SAMD12: variants seen among roughly 807,000 people sequenced by gnomAD.
SAMD12 encodes the protein sterile alpha motif domain-containing protein 12.
A neutral mutation model predicts 15.0 loss-of-function variants in SAMD12; 9 were observed. That is an observed-to-expected ratio of 0.60 (90% confidence interval 0.36 to 1.05). The LOEUF (loss-of-function observed/expected upper bound fraction) is 1.05, where lower values mean the gene tolerates loss of function less well. Ranked by LOEUF, SAMD12 falls within the 50% of genes least tolerant of loss-of-function variation. The pLI is 0.01. For synonymous variants in SAMD12, 86 were observed against 90.1 expected, an observed-to-expected ratio of 0.96 and a Z score of 0.25; for missense variants, 230 against 234.2, an observed-to-expected ratio of 0.98 and a Z score of 0.12.
At chr8:118,250,484 G>A (rs991714384) in intron 4 of SAMD12, among the ~76,000 whole-genome samples, 4 of 151,174 alleles carry the variant, frequency 2.6e-5, no homozygotes, top group Admixed American at 2.6e-4. Context: ...AGTATAAAAT[G>A]CCAGGAAGGC....
chr8:118,240,397 C>T (rs772607776), intron 4 of SAMD12, among the ~76,000 whole-genome samples: 1 of 152,136 alleles, frequency 6.6e-6, no homozygotes, highest in Non-Finnish European at 1.5e-5. Context: ...CAGTGGATAA[C>T]TCATACGAAA....
chr8:118,305,290 C>T (rs1388907925), intron 4 of SAMD12, among the ~76,000 whole-genome samples: 1 of 151,824 alleles, frequency 6.6e-6, no homozygotes, highest in African/African-American at 2.4e-5. Flanking sequence ...TAATTATTCT[C>T]CATTGCTCCC....
rs570714210 is a variant in SAMD12 at position 118,261,829 on chromosome 8, G to A, written c.434-64097C>T. Among the ~76,000 whole-genome samples, 5 of 151,906 alleles carry A rather than the reference G, an allele frequency of 3.3e-5. No individual in the cohort carries two copies. The East Asian group carries it at 5.8e-4, about 18-fold the overall frequency. ...TTTATGGAGCACAGAGCTGAACCTG[G>A]TGGAGTCTAGTTGCAGAGGTAGGAT... On this transcript the variant is annotated intron_variant, in intron 4 of 4. Coordinates refer to the SAMD12 transcript ENST00000409003.
chr8:118,517,906 C>CA (rs1196803071), intron 2 of SAMD12, among the ~76,000 whole-genome samples: 3 of 152,094 alleles, frequency 2.0e-5, no homozygotes, highest in Non-Finnish European at 4.4e-5. Flanking sequence ...TGTCTTCAGT[C>CA]ACGATTGAAT....
intron 4 of SAMD12, among the ~76,000 whole-genome samples, chr8:118,204,666 A>G (rs892496580): frequency 2.0e-5 from 3 of 152,144 alleles, no homozygotes; most frequent in Non-Finnish European, 4.4e-5. Flanking sequence ...AGGCAGAAGA[A>G]TGGTGTGAAC....
At chr8:118,142,037 G>A in the SAMD12 span, among the ~76,000 whole-genome samples, 4 of 152,152 alleles carry the variant, frequency 2.6e-5, no homozygotes, top group East Asian at 1.9e-4. Flanking sequence ...TAATAACCAC[G>A]CAAATTTTGT....
At chr8:118,341,953 T>C (rs1047719522) in intron 4 of SAMD12, among the ~76,000 whole-genome samples, 3 of 152,254 alleles carry the variant, frequency 2.0e-5, no homozygotes, top group Admixed American at 6.5e-5. Flanking sequence ...ATGCCCACCA[T>C]TGTGTACTCT....
chr8:118,591,854 A>G (rs1827592147), intron 1 of SAMD12, among the ~76,000 whole-genome samples: 1 of 152,196 alleles, frequency 6.6e-6, no homozygotes, highest in South Asian at 2.1e-4. Flanking sequence ...GACCCTAATC[A>G]TTTAGGAAGT....
chr8:118,147,706 G>A, the SAMD12 span, among the ~76,000 whole-genome samples: 2 of 151,742 alleles, frequency 1.3e-5, no homozygotes, highest in African/African-American at 2.4e-5. Context: ...CATGTCTAAG[G>A]TCACATAGTT....
chr8:118,139,157 A>G, the SAMD12 span, among the ~76,000 whole-genome samples: 2,629 of 151,972 alleles, frequency 0.017, 78 homozygotes, highest in African/African-American at 0.061. Flanking sequence ...GCATAGGAGG[A>G]GCAAGTAATG....
At chr8:118,261,033 G>T (rs766413422) in intron 4 of SAMD12, among the ~76,000 whole-genome samples, 1 of 152,036 alleles carries the variant, frequency 6.6e-6, no homozygotes, top group Non-Finnish European at 1.5e-5. Flanking sequence ...CCTGGCCCAG[G>T]GAAGATGCTC....
intron 4 of SAMD12, among the ~76,000 whole-genome samples, chr8:118,318,913 G>A (rs1313854699): frequency 6.6e-6 from 1 of 152,028 alleles, no homozygotes; most frequent in Non-Finnish European, 1.5e-5. Context: ...GACTAAATGA[G>A]AGATTTTGAT....
chr8:118,236,113 G>A (rs1224918332), intron 4 of SAMD12, among the ~76,000 whole-genome samples: 1 of 152,166 alleles, frequency 6.6e-6, no homozygotes, highest in Non-Finnish European at 1.5e-5. Context: ...TCGCAGTTAT[G>A]AGTAGCTCTG....
chr8:118,235,397 G>C (rs1812406243), intron 4 of SAMD12, among the ~76,000 whole-genome samples: 1 of 152,098 alleles, frequency 6.6e-6, no homozygotes, highest in African/African-American at 2.4e-5. Context: ...TTTTAGTAGA[G>C]ATGGGGTTTC....
intron 3 of SAMD12, among the ~76,000 whole-genome samples, chr8:118,425,909 G>A (rs1354585798): frequency 6.6e-6 from 1 of 152,034 alleles, no homozygotes; most frequent in Non-Finnish European, 1.5e-5. Context: ...CATAAGAATG[G>A]GTCTCCTGTT....
chr8:118,235,573 C>T (rs1812411607), intron 4 of SAMD12, among the ~76,000 whole-genome samples: 2 of 152,130 alleles, frequency 1.3e-5, no homozygotes, highest in South Asian at 2.1e-4. Context: ...TTTCATCATG[C>T]AATCAAATGT....
chr8:118,189,957 A>G (rs1819316374), exon 5 of SAMD12: 1 of 151,204 alleles, frequency 6.6e-6, no homozygotes, highest in Non-Finnish European at 1.5e-5. Flanking sequence ...AAAAAAAAAA[A>G]AAAAAAAAAA....
At chr8:118,402,192 T>G (rs778149206) in intron 3 of SAMD12, among the ~76,000 whole-genome samples, 21 of 152,020 alleles carry the variant, frequency 1.4e-4, no homozygotes, top group Non-Finnish European at 2.4e-4. Flanking sequence ...TCATTGAAAT[T>G]AGAGATAGAA....
intron 2 of SAMD12, among the ~76,000 whole-genome samples, chr8:118,569,662 C>T (rs1826951530): frequency 6.6e-6 from 1 of 152,166 alleles, no homozygotes; most frequent in Non-Finnish European, 1.5e-5. Flanking sequence ...GAGAAACAGA[C>T]ACCTTAGCTC....
Sources: gnomAD v4.1 joint callset for allele counts (sites outside exome capture counted in the v4.1 genomes callset) on GRCh38, gnomAD v4.1.1 for gene constraint, MANE v1.5 for transcripts, NCBI Gene and HGNC (gene_info 2026-07-23, HGNC 2026-07-21) for gene names.